SLC38A1: variants seen among roughly 807,000 people sequenced by gnomAD.
SLC38A1 encodes sodium-coupled neutral amino acid symporter 1.
SLC38A1 carries 18 observed loss-of-function variants against 60.3 expected under a neutral mutation model. That is an observed-to-expected ratio of 0.30 (90% CI 0.21 to 0.44). SLC38A1 has a LOEUF of 0.44. Among genes scored for constraint, SLC38A1 ranks in the 20% least tolerant of loss-of-function variants. The pLI is 1.00. For synonymous variants in SLC38A1, 196 were observed against 212.1 expected (o/e 0.92, Z 0.66); for missense variants, 448 against 587.2 (o/e 0.76, Z 2.45).
intron 3 of SLC38A1, among the ~76,000 whole-genome samples, chr12:46,234,287 T>C (rs530074718): frequency 4.6e-5 from 7 of 152,320 alleles, no homozygotes; most frequent in East Asian, 3.9e-4. Flanking sequence ...TGAACATGCA[T>C]CTTCTGTTTA....
chr12:46,229,700 A>G (rs1940997737), intron 3 of SLC38A1, 61 bp from the exon 4 acceptor site: 3 of 1,375,432 alleles, frequency 2.2e-6, no homozygotes, highest in Admixed American at 3.4e-5. Context: ...TGACATCTTT[A>G]CTAAATGATA....
rs141392850 is a variant in SLC38A1, at chr12:46,193,484, C to T, written c.1362+4236G>A. On this transcript the variant is annotated intron_variant, in intron 16 of 16. Transcript: ENST00000398637. Reference sequence around the variant, plus strand: ...GAGCTGAGTTCAAGTCCTGGATATCCTTGATAACCTTCTGTCTCGTTGATC... The same window carrying T: ...GAGCTGAGTTCAAGTCCTGGATATCTTTGATAACCTTCTGTCTCGTTGATC... 7.9e-3 allele frequency among the ~76,000 whole-genome samples: 1,196 copies of T among 152,222 alleles called. 32 individuals carry two copies. In the South Asian group the frequency reaches 0.08, roughly 10 times the overall value.
intron 1 of SLC38A1, among the ~76,000 whole-genome samples, chr12:46,246,784 G>C (rs1373177782): frequency 1.3e-5 from 2 of 152,152 alleles, no homozygotes; most frequent in Non-Finnish European, 2.9e-5. Context: ...ATACAAGCAG[G>C]AGCCCCTCTT....
chr12:46,266,271 A>T (rs1288964845), intron 1 of SLC38A1, among the ~76,000 whole-genome samples: 4 of 152,190 alleles, frequency 2.6e-5, no homozygotes, highest in African/African-American at 9.7e-5. Flanking sequence ...AAGAGTAGCA[A>T]TAGTCAGATA....
Position 46,268,965 on chromosome 12 carries a change from A to G in SLC38A1, c.-648T>C, listed in dbSNP as rs1413094830. On this transcript the variant is annotated 5_prime_UTR_variant, in exon 1 of 17. Coordinates refer to ENST00000398637, the MANE Select transcript of SLC38A1 (RefSeq NM_030674.4). The surrounding 1 kb of genome is among the most constrained non-coding windows in gnomAD (Gnocchi z 4.4). The stretch of plus-strand genomic sequence containing the variant: ...CATGGCTTGTGATGGTTTAACGCGG[A>G]CAGGCCATTCCTCCCCGTCCCGCGC... 4 of 438,810 alleles carry G rather than the reference A, an allele frequency of 9.1e-6. No homozygotes were observed. Among genetic ancestry groups the G allele is most frequent in the South Asian group, 4.8e-5 (3 of 62,176 alleles). 27.2% of individuals were successfully genotyped at this position (438,810 alleles called of 1,614,324 possible).
chr12:46,185,417 TG>T lies in SLC38A1; in HGVS notation c.*3552del, dbSNP rs1421052572. 2.0e-5 allele frequency: 3 copies of T among 152,076 alleles called. No homozygotes were observed. Among genetic ancestry groups the T allele is most frequent in the Non-Finnish European group, 4.4e-5 (3 of 67,994 alleles). 9.4% of individuals were successfully genotyped at this position (152,076 alleles called of 1,614,324 possible). A position where few individuals can be genotyped will look rare whatever the true frequency, so the allele number is the denominator to read the frequency against. ...GCCCTATCACCATCACCCATCTGGG[TG>T]CTTCTTTTTCTCAACAGGGTCTGTA... is the stretch of plus-strand genomic sequence containing the variant. On this transcript the variant is annotated 3_prime_UTR_variant, in exon 17 of 17. Coordinates refer to ENST00000398637, the MANE Select transcript of SLC38A1 (RefSeq NM_030674.4).
At chr12:46,257,567 G>A (rs1248584405) in intron 1 of SLC38A1, among the ~76,000 whole-genome samples, 1 of 152,064 alleles carries the variant, frequency 6.6e-6, no homozygotes, top group Non-Finnish European at 1.5e-5. Flanking sequence ...GGCTTCTTCG[G>A]TATTGTACCT....
chr12:46,196,249 G>A (rs909585345), intron 16 of SLC38A1: 4 of 1,536,064 alleles, frequency 2.6e-6, no homozygotes, highest in Non-Finnish European at 2.6e-6. Flanking sequence ...CAACAGGGCT[G>A]GACTGGAAAC....
intron 3 of SLC38A1, among the ~76,000 whole-genome samples, chr12:46,231,248 C>T (rs1941066629): frequency 6.6e-6 from 1 of 152,180 alleles, no homozygotes; most frequent in Non-Finnish European, 1.5e-5. Context: ...ACAACGGGTA[C>T]ACGTGGACAT....
chr12:46,226,529 A>G (rs1054701985), intron 5 of SLC38A1, among the ~76,000 whole-genome samples: 2 of 152,012 alleles, frequency 1.3e-5, no homozygotes, highest in African/African-American at 4.8e-5. Context: ...TTAGAGGACT[A>G]GTCTAGAAGG....
intron 1 of SLC38A1, among the ~76,000 whole-genome samples, chr12:46,267,895 G>A (rs892124039): frequency 5.3e-5 from 8 of 152,196 alleles, no homozygotes; most frequent in African/African-American, 1.9e-4. Context: ...GGCAGGAAAG[G>A]ACAGTGAGTC....
At chr12:46,207,738 TCA>T in intron 6 of SLC38A1, 117 bp from the exon 7 acceptor site, 3 of 955,556 alleles carry the variant, frequency 3.1e-6, no homozygotes, top group Middle Eastern at 2.2e-4. Context: ...TTTCTCAAAC[TCA>T]CACAAATAGT....
At chr12:46,198,531 A>T in intron 14 of SLC38A1, 94 bp downstream of exon 14, 1 of 790,990 alleles carries the variant, frequency 1.3e-6, no homozygotes, top group Non-Finnish European at 2.0e-6. Context: ...CAGGAAAGTT[A>T]CCTGGGGCAG....
intron 1 of SLC38A1, among the ~76,000 whole-genome samples, chr12:46,245,908 T>A (rs1202258901): frequency 1.3e-5 from 2 of 152,262 alleles, no homozygotes; most frequent in East Asian, 1.9e-4. Flanking sequence ...TTCTCTTTTT[T>A]AATTTAGCAT....
chr12:46,213,543 C>T (rs764595049), intron 5 of SLC38A1, among the ~76,000 whole-genome samples: 1 of 152,244 alleles, frequency 6.6e-6, no homozygotes, highest in Non-Finnish European at 1.5e-5. Context: ...GTCCAGCCAA[C>T]TGCTTGAAGC....
At chr12:46,244,272 A>G (rs1326983087) in intron 1 of SLC38A1, among the ~76,000 whole-genome samples, 1 of 152,214 alleles carries the variant, frequency 6.6e-6, no homozygotes, top group African/African-American at 2.4e-5. Flanking sequence ...TGTGTCTAAC[A>G]ATAGGTAATA....
At chr12:46,218,410 T>C (rs1940508160) in intron 5 of SLC38A1, among the ~76,000 whole-genome samples, 2 of 149,734 alleles carry the variant, frequency 1.3e-5, no homozygotes, top group Non-Finnish European at 3.0e-5. Flanking sequence ...TTGGGACTTT[T>C]GTTCCGGTAG....
chr12:46,202,346 C>T lies in SLC38A1; in HGVS notation c.902+664G>A, dbSNP rs1265201599. Among the ~76,000 whole-genome samples, 3 of 152,070 alleles carry T rather than the reference C, an allele frequency of 2.0e-5. No individual in the cohort carries two copies. The South Asian group carries it at 6.2e-4, about 32-fold the overall frequency. On this transcript the variant is annotated intron_variant, in intron 12 of 16. Coordinates refer to ENST00000398637, the MANE Select transcript of SLC38A1 (RefSeq NM_030674.4). ...CTTTGTTTCAAACTGGAAATAAATA[C>T]TGATATTGTCGATCTTTTCTAAGTT...
intron 5 of SLC38A1, among the ~76,000 whole-genome samples, chr12:46,218,500 G>A (rs903012159): frequency 6.6e-6 from 1 of 152,062 alleles, no homozygotes; most frequent in Non-Finnish European, 1.5e-5. Flanking sequence ...GAAATAGGCG[G>A]TTTAAGAGGA....
Sources: allele counts gnomAD v4.1 joint callset (sites outside exome capture counted in the v4.1 genomes callset), GRCh38; gene constraint gnomAD v4.1.1; non-coding constraint Gnocchi (gnomAD v3.1); transcripts MANE v1.5; gene names NCBI Gene and HGNC (gene_info 2026-07-23, HGNC 2026-07-21).